Variants in RYR1 observed in about 807,000 individuals in gnomAD.
The protein encoded by RYR1 is central core disease of muscle.
A neutral mutation model predicts 583.5 loss-of-function variants in RYR1; 342 were observed. That is an observed-to-expected ratio of 0.59 (90% confidence interval 0.54 to 0.64). RYR1 has a LOEUF of 0.64. RYR1 is among the 30% of genes least tolerant of loss of function. The pLI is 0.00. For synonymous variants in RYR1, 2,791 were observed against 2,822.5 expected (o/e 0.99, Z 0.35); for missense variants, 6,032 against 6,917.2 (o/e 0.87, Z 4.54).
chr19:38,496,996 T>C lies in RYR1; in HGVS notation c.6891+42T>C. 1 of 1,554,834 alleles carries C rather than the reference T, an allele frequency of 6.4e-7. No homozygotes were observed. The highest frequency in any genetic ancestry group is 8.9e-7 in the Non-Finnish European group (1 of 1,127,676). ...TGGGCCCCAGGCCTAAGGGAGGAAATCGGGCCGCTACCCGGCTGCTTGGGA... is the reference window on the plus strand; with the variant it reads ...TGGGCCCCAGGCCTAAGGGAGGAAACCGGGCCGCTACCCGGCTGCTTGGGA... On this transcript the variant is annotated intron_variant, in intron 42 of 105. Transcript: ENST00000359596. This position sits in a 1 kb window ranked among gnomAD's most constrained non-coding sequence, Gnocchi z 4.8.
intron 11 of RYR1, among the ~76,000 whole-genome samples, chr19:38,450,603 G>A (rs1356731068): frequency 6.6e-6 from 1 of 152,108 alleles, no homozygotes; most frequent in Middle Eastern, 3.2e-3. Flanking sequence ...ATGAGCTGGT[G>A]GGGAGGTGGT....
At chr19:38,531,002 T>TTTTTTTTG (rs1555791797) in intron 76 of RYR1, among the ~76,000 whole-genome samples, 8 of 149,168 alleles carry the variant, frequency 5.4e-5, no homozygotes, top group Non-Finnish European at 7.4e-5. Context: ...TTTTTTTTTT[T>TTTTTTTTG]TTTGTATTTT....
intron 87 of RYR1, among the ~76,000 whole-genome samples, chr19:38,544,991 A>T (rs1354147219): frequency 6.6e-6 from 1 of 152,134 alleles, no homozygotes; most frequent in Non-Finnish European, 1.5e-5. Flanking sequence ...CTGGGCTGGA[A>T]AAAATGGTGC....
intron 39 of RYR1, among the ~76,000 whole-genome samples, chr19:38,495,305 T>C (rs1969766353): frequency 6.6e-6 from 1 of 152,156 alleles, no homozygotes; most frequent in South Asian, 2.1e-4. Flanking sequence ...ATAAATCTCA[T>C]TCACACAGTA....
At chr19:38,441,479 A>G (rs113213809) in intron 2 of RYR1, among the ~76,000 whole-genome samples, 4,061 of 143,040 alleles carry the variant, frequency 0.028, 80 homozygotes, top group Non-Finnish European at 0.046. Context: ...GGTCTTAGGT[A>G]GTGGAGTCTG....
Position 38,565,732 on chromosome 19 carries a change from C to A in RYR1, c.13398C>A (p.Pro4466=), listed in dbSNP as rs1599636544. 7.0e-6 allele frequency: 10 copies of A among 1,432,762 alleles called. No individual in the cohort carries two copies. Among genetic ancestry groups the A allele is most frequent in the Non-Finnish European group, 7.3e-6 (8 of 1,101,468 alleles). 88.8% of individuals were successfully genotyped at this position (1,432,762 alleles called of 1,614,324 possible). A position where few individuals can be genotyped will look rare whatever the true frequency, so the allele number is the denominator to read the frequency against. Residue 4466 remains proline, a synonymous_variant, in exon 91 of 106, where the codon CCC becomes CCA. Transcript: ENST00000359596. This position sits in a 1 kb window ranked among gnomAD's most constrained non-coding sequence, Gnocchi z 4.7. ...GGGACACGACGCCTGCGGAACCGCCCACACCCGAGGGCTCTCCCATCCTCA... is the reference window on the plus strand; with the variant it reads ...GGGACACGACGCCTGCGGAACCGCCAACACCCGAGGGCTCTCCCATCCTCA... ...DMGDTTPAEP[P]TPEGSPILKR...
intron 2 of RYR1, among the ~76,000 whole-genome samples, chr19:38,441,375 G>T (rs1189135670): frequency 4.7e-5 from 7 of 149,160 alleles, no homozygotes; most frequent in African/African-American, 1.5e-4. Context: ...TTATTATGGG[G>T]TGTTTTAGGG....
intron 96 of RYR1, among the ~76,000 whole-genome samples, chr19:38,574,327 G>T (rs1407324368): frequency 6.6e-6 from 1 of 151,698 alleles, no homozygotes. Flanking sequence ...AATCATTAGG[G>T]GCCCTAGGGG....
chr19:38,505,871 G>A lies in RYR1; in HGVS notation c.8466G>A (p.Thr2822=), dbSNP rs761622550. The change falls in exon 54 of 106, where the codon ACG becomes ACA. Residue 2822 remains threonine (T), a synonymous_variant. Transcript: ENST00000359596. Reference sequence around the variant, plus strand: ...AGGCCATGATTGCCTGGGAATGGACGATAGAGAAGGCCAGGGAGGGTGAGG... The same window carrying A: ...AGGCCATGATTGCCTGGGAATGGACAATAGAGAAGGCCAGGGAGGGTGAGG... ...SLKAMIAWEW[T]IEKAREGEEE... 36 of 1,613,990 alleles carry A rather than the reference G, an allele frequency of 2.2e-5. No homozygotes were observed. The highest frequency in any genetic ancestry group is 3.3e-5 in the Admixed American group (2 of 59,992).
intron 24 of RYR1, among the ~76,000 whole-genome samples, chr19:38,467,366 C>T (rs1968165258): frequency 1.3e-5 from 2 of 152,138 alleles, no homozygotes; most frequent in African/African-American, 4.8e-5. Context: ...GTGTCTCTGC[C>T]AGTATCCCTG....
rs1970245925 is a variant in RYR1 at position 38,502,830 on chromosome 19, G to A, written c.7836-50G>A. 3.8e-6 allele frequency: 6 copies of A among 1,569,152 alleles called. No individual in the cohort carries two copies. The East Asian group carries it at 6.9e-5, about 18-fold the overall frequency. On this transcript the variant is annotated intron_variant, in intron 48 of 105. Coordinates refer to ENST00000359596, the MANE Select transcript of RYR1 (RefSeq NM_000540.3). ...AGGGGGAGGAGCAGGGGCAGGGGCA[G>A]CAGAGCGGGCCTGGACGGGGGATTC...
At chr19:38,575,854 C>T (rs73032656) in intron 96 of RYR1, 65 bp from the exon 97 acceptor site, 64,539 of 1,564,186 alleles carry the variant, frequency 0.041, 2,246 homozygotes, top group South Asian at 0.15. Flanking sequence ...CCTGTCGTGG[C>T]TGACAGCTCT....
chr19:38,512,543 C>T lies in RYR1; in HGVS notation c.9472+60C>T. 6.7e-7 allele frequency: 1 copy of T among 1,491,604 alleles called. No homozygotes were observed. The highest frequency in any genetic ancestry group is 9.3e-7 in the Non-Finnish European group (1 of 1,080,956). The allele number at this position is 1,491,604 out of a possible 1,614,324, so 92.4% of individuals were successfully genotyped here. On this transcript the variant is annotated intron_variant, in intron 63 of 105. Coordinates refer to ENST00000359596, the MANE Select transcript of RYR1 (RefSeq NM_000540.3). This position sits in a 1 kb window ranked among gnomAD's most constrained non-coding sequence, Gnocchi z 5.1. ...AGTCAGTGTGGCCAACACCACCCAT[C>T]CGGGTGCCTGTGAGAGTCCCTGGGT... is the stretch of plus-strand genomic sequence containing the variant.
In RYR1 at chr19:38,485,794, C is replaced by T. The variant is rs1267405812; in HGVS notation, c.5139C>T (p.Leu1713=). 6.2e-7 allele frequency: 1 copy of T among 1,613,432 alleles called. No individual in the cohort carries two copies. The highest frequency in any genetic ancestry group is 8.5e-7 in the Non-Finnish European group (1 of 1,180,000). Residue 1713 remains leucine (L), a synonymous_variant, in exon 34 of 106, where the codon CTC becomes CTT. Coordinates refer to ENST00000359596, the MANE Select transcript of RYR1 (RefSeq NM_000540.3). ...CACTGCGCGCAGGCTACTATGACCT[C>T]CTCATCAGCATCCACCTCGAAAGTG... is the stretch of plus-strand genomic sequence containing the variant. ...PGPLRAGYYD[L]LISIHLESAC...
intron 89 of RYR1, among the ~76,000 whole-genome samples, chr19:38,559,659 G>A (rs969856903): frequency 6.6e-6 from 1 of 152,060 alleles, no homozygotes; most frequent in East Asian, 1.9e-4. Flanking sequence ...GTGGTTTCTA[G>A]AGCCCTTCAT....
rs953504971 is a variant in RYR1 at position 38,473,680 on chromosome 19, C to T, written c.4069C>T (p.Pro1357Ser). The T allele has an allele frequency of 6.5e-7, 1 of 1,550,376 alleles. No homozygotes were observed. Among genetic ancestry groups the T allele is most frequent in the Non-Finnish European group, 8.7e-7 (1 of 1,147,110 alleles). ...AGAAGGGACTGCGAAGGAGGGCGCC[C>T]CCGGGGGCACCCCGCAGGCGGGGGG... ...GKEGTAKEGAPGGTPQAGGEA... is the reference protein window; with the variant it reads ...GKEGTAKEGASGGTPQAGGEA... The change falls in exon 28 of 106, where the codon CCC becomes TCC. Residue 1357 changes from proline (P) to serine (S), a missense_variant. Physicochemically the swap from Pro to Ser is moderately conservative, Grantham distance 74. Transcript: ENST00000359596.
Position 38,512,183 on chromosome 19 carries a change from C to T in RYR1, c.9233+51C>T. On this transcript the variant is annotated intron_variant, in intron 62 of 105. Transcript: ENST00000359596. This position sits in a 1 kb window ranked among gnomAD's most constrained non-coding sequence, Gnocchi z 5.1. ...CTCCCACCATCATCGGGCCCCCACC[C>T]CAACCCCTGGTCTCCTAGACTCTCC... The T allele has an allele frequency of 6.2e-7, 1 of 1,614,008 alleles. No individual in the cohort carries two copies. The highest frequency in any genetic ancestry group is 8.5e-7 in the Non-Finnish European group (1 of 1,179,870).
At chr19:38,545,072 A>G (rs1485917036) in intron 87 of RYR1, among the ~76,000 whole-genome samples, 1 of 151,978 alleles carries the variant, frequency 6.6e-6, no homozygotes, top group Non-Finnish European at 1.5e-5. Context: ...TGAAAGCTCC[A>G]AGAAAAAAAA....
intron 92 of RYR1, among the ~76,000 whole-genome samples, chr19:38,567,325 C>T (rs1287759661): frequency 2.0e-5 from 3 of 151,256 alleles, no homozygotes; most frequent in Non-Finnish European, 2.9e-5. Context: ...GACCCTGTGT[C>T]GAAAAAGAAA....
Sources: gnomAD v4.1 joint callset for allele counts (sites outside exome capture counted in the v4.1 genomes callset) on GRCh38, gnomAD v4.1.1 for gene constraint, Gnocchi (gnomAD v3.1) non-coding constraint, MANE v1.5 for transcripts, NCBI Gene and HGNC (gene_info 2026-07-23, HGNC 2026-07-21) for gene names.